TBC1D5: variants seen among roughly 807,000 people sequenced by gnomAD.
TBC1D5 encodes the protein TBC1 domain family member 5.
TBC1D5 carries 75 observed loss-of-function variants against 100.3 expected under a neutral mutation model. That is an observed-to-expected ratio of 0.75 (90% CI 0.62 to 0.91). The LOEUF (loss-of-function observed/expected upper bound fraction) is 0.91, where lower values mean the gene tolerates loss of function less well. Ranked by LOEUF, TBC1D5 falls within the 40% of genes least tolerant of loss-of-function variation. TBC1D5 has a pLI of 0.00. For missense variants in TBC1D5, 910 were observed against 942.4 expected (o/e 0.97, Z 0.45); for synonymous variants, 323 against 325.6 (o/e 0.99, Z 0.09).
intron 16 of TBC1D5, among the ~76,000 whole-genome samples, chr3:17,245,749 CTG>C (rs2076686066): frequency 6.6e-6 from 1 of 152,124 alleles, no homozygotes; most frequent in Admixed American, 6.5e-5. Context: ...GGAAAAGAAA[CTG>C]AGATTTCTAT....
chr3:17,334,594 CT>C (rs2087396682), intron 13 of TBC1D5, among the ~76,000 whole-genome samples: 1 of 152,112 alleles, frequency 6.6e-6, no homozygotes, highest in Non-Finnish European at 1.5e-5. Context: ...AAACTGAAGA[CT>C]TTTTCTGCTT....
intron 1 of TBC1D5, among the ~76,000 whole-genome samples, chr3:17,696,527 ACAAGACTAAAC>A (rs2072117273): frequency 6.6e-6 from 1 of 152,202 alleles, no homozygotes; most frequent in African/African-American, 2.4e-5. Flanking sequence ...CTGGATACAT[ACAAGACTAAAC>A]CAAGACTAAA....
chr3:17,212,436 C>T (rs188419472), intron 18 of TBC1D5, among the ~76,000 whole-genome samples: 6 of 152,250 alleles, frequency 3.9e-5, no homozygotes, highest in Non-Finnish European at 7.4e-5. Flanking sequence ...GACTGTGTTA[C>T]TGGTTTATGT....
chr3:17,485,029 A>G (rs1004095471), intron 3 of TBC1D5, among the ~76,000 whole-genome samples: 1 of 152,164 alleles, frequency 6.6e-6, no homozygotes. Context: ...GATGAAAATT[A>G]TATTAGAGAA....
chr3:17,688,651 T>A (rs765002425), intron 1 of TBC1D5, among the ~76,000 whole-genome samples: 4 of 152,224 alleles, frequency 2.6e-5, no homozygotes, highest in Non-Finnish European at 4.4e-5. Flanking sequence ...GCCCAACTTG[T>A]ATTCAACTTA....
chr3:17,568,068 A>G (rs1430823565), intron 2 of TBC1D5, among the ~76,000 whole-genome samples: 32 of 151,548 alleles, frequency 2.1e-4, no homozygotes. Flanking sequence ...ATGTTCTAGC[A>G]AGCATTTAGA....
chr3:17,580,259 CCT>C (rs2096685136), intron 2 of TBC1D5, among the ~76,000 whole-genome samples: 1 of 152,042 alleles, frequency 6.6e-6, no homozygotes, highest in Admixed American at 6.6e-5. Context: ...TTCATAAATG[CCT>C]ACTGTATGCC....
intron 15 of TBC1D5, among the ~76,000 whole-genome samples, chr3:17,281,856 G>A (rs900011368): frequency 2.6e-5 from 4 of 151,920 alleles, no homozygotes; most frequent in African/African-American, 9.7e-5. Context: ...AAATATTTAT[G>A]TGGCCATAAC....
chr3:17,350,592 A>G (rs114540553), intron 13 of TBC1D5, among the ~76,000 whole-genome samples: 4,185 of 152,296 alleles, frequency 0.027, 80 homozygotes, highest in Middle Eastern at 0.048. Context: ...GGATGAAGAG[A>G]CAGATGTACT....
chr3:17,308,260 T>TAATAAATATATTAA lies in TBC1D5; in HGVS notation c.996-127_996-126insTTAATATATTTATT, dbSNP rs1323557371. ...GAGCAAATATTATATATCAAAAATA[T>TAATAAATATATTAA]AATATAGTAAAATCTATATTTTAAG... On this transcript the variant is annotated intron_variant, in intron 13 of 21. Coordinates refer to ENST00000253692, the Ensembl canonical transcript of TBC1D5. 6.8e-6 allele frequency: 6 copies of TAATAAATATATTAA among 885,706 alleles called. No individual in the cohort carries two copies. In the African/African-American group the frequency reaches 7.0e-5, roughly 10 times the overall value. 54.9% of individuals were successfully genotyped at this position (885,706 alleles called of 1,614,324 possible).
chr3:17,557,301 AG>A (rs2153463414), intron 2 of TBC1D5, among the ~76,000 whole-genome samples: 1 of 152,346 alleles, frequency 6.6e-6, no homozygotes, highest in South Asian at 2.1e-4. Flanking sequence ...CAAGAGGGAT[AG>A]GCTCCCTTTT....
At chr3:17,494,193 C>A (rs1256006161) in intron 3 of TBC1D5, among the ~76,000 whole-genome samples, 1 of 152,116 alleles carries the variant, frequency 6.6e-6, no homozygotes, top group Non-Finnish European at 1.5e-5. Flanking sequence ...TGGGGTCCAC[C>A]TGAGACCCTA....
chr3:17,404,640 A>G (rs1335521779), intron 7 of TBC1D5, 54 bp downstream of exon 7: 5 of 1,494,384 alleles, frequency 3.3e-6, no homozygotes, highest in Non-Finnish European at 4.5e-6. Context: ...CCAGTCATAT[A>G]AACATATTCT....
At chr3:17,372,233 C>T in exon 13 of TBC1D5, 1 of 1,608,986 alleles carries the variant, frequency 6.2e-7, no homozygotes, top group Non-Finnish European at 8.5e-7. Flanking sequence ...TGGGAGTCAT[C>T]AGTGTTTCTT....
intron 2 of TBC1D5, among the ~76,000 whole-genome samples, chr3:17,581,489 T>G (rs1167115888): frequency 6.6e-6 from 1 of 152,172 alleles, no homozygotes; most frequent in Non-Finnish European, 1.5e-5. Context: ...CTCCCAGAAA[T>G]GTACTCCTTT....
chr3:17,190,930 C>G (rs568758966), intron 18 of TBC1D5, among the ~76,000 whole-genome samples: 5 of 152,176 alleles, frequency 3.3e-5, no homozygotes, highest in African/African-American at 9.6e-5. Context: ...GTAAAGGAAA[C>G]GGAAAGTCTC....
chr3:17,694,865 C>G (rs1355512182), intron 1 of TBC1D5, among the ~76,000 whole-genome samples: 3 of 152,184 alleles, frequency 2.0e-5, no homozygotes, highest in Non-Finnish European at 4.4e-5. Context: ...GAGTTACCCA[C>G]AAAAGGAAGC....
At chr3:17,508,367 T>C (rs1377767840) in intron 3 of TBC1D5, 107 bp downstream of exon 3, 2 of 831,190 alleles carry the variant, frequency 2.4e-6, no homozygotes, top group Middle Eastern at 2.6e-4. Flanking sequence ...GCCTGCTCAC[T>C]TCATCAAAAT....
At chr3:17,298,843 C>T (rs1256307503) in intron 14 of TBC1D5, among the ~76,000 whole-genome samples, 1 of 151,994 alleles carries the variant, frequency 6.6e-6, no homozygotes, top group Non-Finnish European at 1.5e-5. Flanking sequence ...CAGTAGTTTC[C>T]AGGAATTAGA....
Sources: gnomAD v4.1 joint callset for allele counts (sites outside exome capture counted in the v4.1 genomes callset) on GRCh38, gnomAD v4.1.1 for gene constraint, MANE v1.5 for transcripts, NCBI Gene and HGNC (gene_info 2026-07-23, HGNC 2026-07-21) for gene names.